Variants in COL8A1 observed in about 807,000 individuals in gnomAD.
The protein encoded by COL8A1 is collagen alpha-1(VIII) chain.
In COL8A1, 21 loss-of-function variants were observed where a neutral mutation model predicts 42.7. The observed-to-expected ratio is 0.49, with a 90% CI of 0.35 to 0.71. COL8A1 has a LOEUF of 0.71. Among genes scored for constraint, COL8A1 ranks in the 30% least tolerant of loss-of-function variants. COL8A1 has a pLI of 0.01. For missense variants in COL8A1, 788 were observed against 962.4 expected, an observed-to-expected ratio of 0.82 and a Z score of 2.40; for synonymous variants, 367 against 369.1, an observed-to-expected ratio of 0.99 and a Z score of 0.06.
chr3:99,658,663 A>G (rs1396576957), intron 1 of COL8A1, among the ~76,000 whole-genome samples: 4 of 152,236 alleles, frequency 2.6e-5, no homozygotes, highest in African/African-American at 9.6e-5. Flanking sequence ...TGATATTCAG[A>G]GAAGCAGATA....
chr3:99,750,658 T>C (rs1165623495), intron 2 of COL8A1, among the ~76,000 whole-genome samples: 1 of 152,214 alleles, frequency 6.6e-6, no homozygotes, highest in Non-Finnish European at 1.5e-5. Flanking sequence ...CAGGTGTTAT[T>C]GCCCTTTCTT....
At chr3:99,773,846 T>A (rs1224337895) in intron 2 of COL8A1, among the ~76,000 whole-genome samples, 34 of 40,136 alleles carry the variant, frequency 8.5e-4, no homozygotes, top group African/African-American at 2.6e-3. Flanking sequence ...TATTTTTTTT[T>A]TTTTTTTTTT....
In COL8A1 at chr3:99,657,364, A is replaced by T. The variant is rs574899345; in HGVS notation, c.-129+18700A>T. Among the ~76,000 whole-genome samples the T allele has an allele frequency of 6.6e-4, 101 of 152,252 alleles. 2 individuals are homozygous for T. The highest frequency in any genetic ancestry group is 2.2e-3 in the African/African-American group (93 of 41,536). Reference sequence around the variant, plus strand: ...ATGCACCTGACTTCTTAATTATTTTACAGTTGTTTCTTGGTTTTGATTCTA... The same window carrying T: ...ATGCACCTGACTTCTTAATTATTTTTCAGTTGTTTCTTGGTTTTGATTCTA... On this transcript the variant is annotated intron_variant, in intron 1 of 3. Coordinates refer to ENST00000652472, the MANE Select transcript of COL8A1 (RefSeq NM_020351.4).
At chr3:99,705,427 T>C (rs1939654247) in intron 1 of COL8A1, among the ~76,000 whole-genome samples, 1 of 152,228 alleles carries the variant, frequency 6.6e-6, no homozygotes, top group African/African-American at 2.4e-5. Context: ...GTATTCTTTC[T>C]CTATTAGAAT....
intron 3 of COL8A1, 42 bp downstream of exon 3, chr3:99,791,052 C>A (rs776136975): frequency 9.8e-5 from 149 of 1,518,614 alleles, no homozygotes; most frequent in Admixed American, 3.4e-4. Flanking sequence ...AACAGCTTTC[C>A]AAATCTCTAA....
At chr3:99,669,150 G>GA (rs1559773177) in intron 1 of COL8A1, among the ~76,000 whole-genome samples, 1,713 of 100,228 alleles carry the variant, frequency 0.017, 38 homozygotes, top group Middle Eastern at 0.028. Context: ...TATATATAGA[G>GA]GGAGAGAGAG....
At chr3:99,712,314 G>A (rs1939859324) in intron 1 of COL8A1, among the ~76,000 whole-genome samples, 1 of 152,100 alleles carries the variant, frequency 6.6e-6, no homozygotes, top group Non-Finnish European at 1.5e-5. Flanking sequence ...TGAGGATAAA[G>A]GCATCAGCAA....
chr3:99,726,095 A>G (rs1362563443), intron 1 of COL8A1, among the ~76,000 whole-genome samples: 1 of 152,112 alleles, frequency 6.6e-6, no homozygotes, highest in Non-Finnish European at 1.5e-5. Flanking sequence ...TGACTTTTTA[A>G]TGATTGCCAT....
intron 2 of COL8A1, among the ~76,000 whole-genome samples, chr3:99,763,424 G>A (rs934862727): frequency 1.3e-5 from 2 of 152,010 alleles, no homozygotes; most frequent in Non-Finnish European, 2.9e-5. Context: ...CTAAACCTCT[G>A]AATCCACTCC....
Position 99,796,104 on chromosome 3 carries a change from T to G in COL8A1, c.2203T>G (p.Ser735Ala). 6.5e-7 allele frequency: 1 copy of G among 1,536,474 alleles called. No individual in the cohort carries two copies. The highest frequency in any genetic ancestry group is 8.8e-7 in the Non-Finnish European group (1 of 1,139,900). ...GTATGCCGGGCAGTATGTCCACTCC[T>G]CCTTTTCAGGATATTTATTGTATCC... ...GLYAGQYVHSSFSGYLLYPM is the reference protein window; with the variant it reads ...GLYAGQYVHSAFSGYLLYPM The change falls in exon 4 of 4, where the codon TCC (serine) becomes GCC (alanine). Residue 735 changes from serine to alanine, a missense_variant. Coordinates refer to ENST00000652472, the MANE Select transcript of COL8A1 (RefSeq NM_020351.4).
chr3:99,654,164 C>T (rs916871580), intron 1 of COL8A1, among the ~76,000 whole-genome samples: 1 of 152,202 alleles, frequency 6.6e-6, no homozygotes, highest in African/African-American at 2.4e-5. Context: ...GACCGGCAGA[C>T]TCAGCAAGTC....
At chr3:99,758,298 A>G (rs704570) in intron 2 of COL8A1, among the ~76,000 whole-genome samples, 111,631 of 152,030 alleles carry the variant, frequency 0.73, 41,590 homozygotes, top group African/African-American at 0.87. Flanking sequence ...TGACACTTGA[A>G]AGGGAAACTC....
chr3:99,655,850 G>C (rs1313653385), intron 1 of COL8A1, among the ~76,000 whole-genome samples: 1 of 152,286 alleles, frequency 6.6e-6, no homozygotes, highest in African/African-American at 2.4e-5. Context: ...TTGAAGCACT[G>C]ACCTAGAAAA....
At chr3:99,665,728 C>A (rs534288229) in intron 1 of COL8A1, among the ~76,000 whole-genome samples, 2 of 127,888 alleles carry the variant, frequency 1.6e-5, no homozygotes, top group African/African-American at 6.0e-5. Flanking sequence ...TTTGCCCGGG[C>A]TGGAGGGCAA....
chr3:99,666,592 C>CA (rs1386860339), intron 1 of COL8A1, among the ~76,000 whole-genome samples: 3 of 152,162 alleles, frequency 2.0e-5, no homozygotes, highest in Non-Finnish European at 2.9e-5. Flanking sequence ...ATCCAGGGAA[C>CA]AAAAATTTAG....
At chr3:99,720,961 T>C (rs899156848) in intron 1 of COL8A1, among the ~76,000 whole-genome samples, 5 of 152,028 alleles carry the variant, frequency 3.3e-5, no homozygotes, top group African/African-American at 1.2e-4. Context: ...AGTGCTTTGT[T>C]GATTTCAGTG....
intron 2 of COL8A1, among the ~76,000 whole-genome samples, chr3:99,768,403 C>T (rs1043736290): frequency 6.6e-6 from 1 of 152,196 alleles, no homozygotes; most frequent in Non-Finnish European, 1.5e-5. Context: ...TTTCAGAGTA[C>T]TGTATATGGA....
chr3:99,790,734 T>G lies in COL8A1; in HGVS notation c.52T>G (p.Ser18Ala). The change falls in exon 3 of 4, where the codon TCC becomes GCC. Residue 18 changes from serine to alanine, a missense_variant. Transcript: ENST00000652472. The part of the protein sequence containing the change: ...LQLLGVLLTI[S>A]LSSIRLIQAG... ...GCTGCTGGGAGTGCTGCTTACCATT[T>G]CCCTGAGTTCCATCAGGCTCATTCA... is the stretch of plus-strand genomic sequence containing the variant. 6.2e-7 allele frequency: 1 copy of G among 1,614,190 alleles called. No individual in the cohort carries two copies. Among genetic ancestry groups the G allele is most frequent in the Non-Finnish European group, 8.5e-7 (1 of 1,180,036 alleles).
intron 2 of COL8A1, 56 bp from the exon 3 acceptor site, chr3:99,790,624 C>CTAAAT: frequency 6.9e-7 from 1 of 1,447,326 alleles, no homozygotes; most frequent in South Asian, 1.2e-5. Flanking sequence ...TAAATAAACT[C>CTAAAT]AAGTCACTTG....
Sources: gnomAD v4.1 joint callset for allele counts (sites outside exome capture counted in the v4.1 genomes callset) on GRCh38, gnomAD v4.1.1 for gene constraint, MANE v1.5 for transcripts, NCBI Gene and HGNC (gene_info 2026-07-23, HGNC 2026-07-21) for gene names.